STT3B: variants seen among roughly 807,000 people sequenced by gnomAD.
STT3B encodes dolichyl-diphosphooligosaccharide--protein glycosyltransferase subunit STT3B.
A neutral mutation model predicts 96.8 loss-of-function variants in STT3B; 29 were observed. The ratio of observed to expected loss-of-function variants is 0.30; its 90% CI spans 0.22 to 0.41. The LOEUF (loss-of-function observed/expected upper bound fraction) is 0.41. STT3B is among the 10% of genes least tolerant of loss of function. The pLI is 1.00. For synonymous variants in STT3B, 367 were observed against 360.0 expected, an observed-to-expected ratio of 1.02 and a Z score of -0.22; for missense variants, 640 against 1,022.3, an observed-to-expected ratio of 0.63 and a Z score of 5.10.
At chr3:31,561,061 A>T (rs1253605628) in intron 1 of STT3B, among the ~76,000 whole-genome samples, 1 of 151,768 alleles carries the variant, frequency 6.6e-6, no homozygotes. Flanking sequence ...TTTTTATTTC[A>T]TTCAATGAAT....
intron 8 of STT3B, among the ~76,000 whole-genome samples, chr3:31,618,308 T>A: frequency 6.7e-6 from 1 of 150,348 alleles, no homozygotes; most frequent in Middle Eastern, 3.4e-3. Context: ...TCATCTTTAG[T>A]AATAATTTTT....
intron 15 of STT3B, 113 bp from the exon 16 acceptor site, chr3:31,635,871 G>A: frequency 1.5e-6 from 1 of 677,446 alleles, no homozygotes; most frequent in Non-Finnish European, 2.4e-6. Flanking sequence ...CCAGTCACAA[G>A]AAGAGCAGAG....
At position 31,548,685 on chromosome 3, in the gene STT3B, C is replaced by T. The variant is rs551495125; in HGVS notation, c.314+15373C>T. On this transcript the variant is annotated intron_variant, in intron 1 of 15. Coordinates refer to ENST00000295770, the MANE Select transcript of STT3B (RefSeq NM_178862.3). The stretch of plus-strand genomic sequence containing the variant: ...CTTGTATTCTCTTCTTTCTCTGCTC[C>T]GTCATTAGTTTGCTGATATTTTCTG... Among the ~76,000 whole-genome samples, 6 of 152,174 alleles carry T rather than the reference C, an allele frequency of 3.9e-5. No homozygotes were observed. In the South Asian group the frequency reaches 6.2e-4, roughly 16 times the overall value.
chr3:31,592,247 A>G (rs1029232499), intron 3 of STT3B, among the ~76,000 whole-genome samples: 5 of 152,202 alleles, frequency 3.3e-5, no homozygotes, highest in African/African-American at 1.2e-4. Context: ...TTCACTTAGC[A>G]TAATGTCTTC....
At chr3:31,577,465 T>C (rs778250121) in intron 2 of STT3B, among the ~76,000 whole-genome samples, 2 of 152,156 alleles carry the variant, frequency 1.3e-5, no homozygotes, top group Non-Finnish European at 2.9e-5. Context: ...TGTATTTAAT[T>C]TCAAACATAA....
At position 31,621,851 on chromosome 3, in the gene STT3B, T is replaced by C. The variant is rs1699435869; in HGVS notation, c.1328-246T>C. Among the ~76,000 whole-genome samples the C allele has an allele frequency of 2.0e-5, 3 of 151,972 alleles. No individual in the cohort carries two copies. The South Asian group carries it at 6.2e-4, about 31-fold the overall frequency. ...TGAATTAAGTCTAATTCTTCATAAC[T>C]AATTAAATTTGAATCATATACATTT... is the stretch of plus-strand genomic sequence containing the variant. On this transcript the variant is annotated intron_variant, in intron 9 of 15. Transcript: ENST00000295770.
chr3:31,544,596 A>C (rs1697355244), intron 1 of STT3B, among the ~76,000 whole-genome samples: 1 of 152,226 alleles, frequency 6.6e-6, no homozygotes, highest in South Asian at 2.1e-4. Flanking sequence ...TGTTTTAAAA[A>C]CAAATCTTTG....
chr3:31,561,611 T>G (rs2125444877), intron 1 of STT3B, among the ~76,000 whole-genome samples: 1 of 152,290 alleles, frequency 6.6e-6, no homozygotes, highest in Non-Finnish European at 1.5e-5. Flanking sequence ...ACCATCTTTC[T>G]ACTCCCTGTG....
intron 1 of STT3B, among the ~76,000 whole-genome samples, chr3:31,545,719 A>G (rs548818835): frequency 1.3e-4 from 20 of 151,914 alleles, no homozygotes; most frequent in Admixed American, 1.2e-3. Context: ...TCATATGTAT[A>G]TATCTGTAAA....
chr3:31,619,821 A>G lies in STT3B; in HGVS notation c.1318A>G (p.Arg440Gly). 1.9e-6 allele frequency: 3 copies of G among 1,611,238 alleles called. No individual in the cohort carries two copies. The highest frequency in any genetic ancestry group is 2.5e-6 in the Non-Finnish European group (3 of 1,179,332). Residue 440 changes from arginine (R) to glycine (G), a missense_variant, in exon 9 of 16, where the codon AGA becomes GGA. Physicochemically the swap from Arg to Gly is moderately radical, Grantham distance 125 (BLOSUM62 -2). Around this residue, in one of 8 missense-constraint regions of STT3B, gnomAD observed 33 missense variants for 43.1 expected, o/e 0.77. Transcript: ENST00000295770. Reference protein sequence around the residue: ...WFCIKNINDERVFVALYAISA... With the variant: ...WFCIKNINDEGVFVALYAISA... Reference sequence around the variant, plus strand: ...CTGCATCAAAAATATCAACGATGAAAGAGTATTTGGTAAGAGAGGTTTTTA... The same window carrying G: ...CTGCATCAAAAATATCAACGATGAAGGAGTATTTGGTAAGAGAGGTTTTTA...
intron 1 of STT3B, among the ~76,000 whole-genome samples, chr3:31,544,947 G>A (rs1697366503): frequency 6.6e-6 from 1 of 152,076 alleles, no homozygotes; most frequent in Admixed American, 6.5e-5. Context: ...AGGGAGCGGG[G>A]GGGGAACATT....
At chr3:31,556,109 ACTT>A (rs1697704319) in intron 1 of STT3B, among the ~76,000 whole-genome samples, 2 of 149,154 alleles carry the variant, frequency 1.3e-5, no homozygotes, top group African/African-American at 4.9e-5. Flanking sequence ...ACTGAGATCA[ACTT>A]TTTTTTTTTT....
At chr3:31,626,577 G>T (rs1184193852) in intron 13 of STT3B, among the ~76,000 whole-genome samples, 1 of 152,146 alleles carries the variant, frequency 6.6e-6, no homozygotes, top group Admixed American at 6.5e-5. Context: ...AAGGGAAAGG[G>T]TCTTAAAACC....
chr3:31,555,483 C>T (rs578050388), intron 1 of STT3B, among the ~76,000 whole-genome samples: 14 of 152,108 alleles, frequency 9.2e-5, no homozygotes, highest in South Asian at 8.3e-4. Context: ...AAGGAAATAG[C>T]GTTTCTTTCT....
intron 5 of STT3B, among the ~76,000 whole-genome samples, chr3:31,610,313 A>C (rs1699154894): frequency 6.6e-6 from 1 of 152,210 alleles, no homozygotes; most frequent in Non-Finnish European, 1.5e-5. Context: ...GTTTTGGCTA[A>C]TACTATTTTG....
At chr3:31,610,546 C>A (rs1699160380) in intron 5 of STT3B, among the ~76,000 whole-genome samples, 1 of 152,168 alleles carries the variant, frequency 6.6e-6, no homozygotes, top group African/African-American at 2.4e-5. Flanking sequence ...TTCTTCAATA[C>A]TTAAAATTTC....
In STT3B at chr3:31,572,476, C is replaced by T. The variant is rs533942693; in HGVS notation, c.315-3920C>T. On this transcript the variant is annotated intron_variant, in intron 1 of 15. Coordinates refer to ENST00000295770, the MANE Select transcript of STT3B (RefSeq NM_178862.3). ...CATCATTGCAGCTATGATCTCTAACCTCAAGTTTAAGATTTTTGTGTTCAT... is the reference window on the plus strand; with the variant it reads ...CATCATTGCAGCTATGATCTCTAACTTCAAGTTTAAGATTTTTGTGTTCAT... 8.2e-4 allele frequency among the ~76,000 whole-genome samples: 124 copies of T among 152,062 alleles called. 1 individual carries two copies. In the Middle Eastern group the frequency reaches 0.01, roughly 13 times the overall value.
chr3:31,613,861 G>A (rs1045551834), intron 5 of STT3B, among the ~76,000 whole-genome samples: 5 of 152,022 alleles, frequency 3.3e-5, no homozygotes, highest in Non-Finnish European at 5.9e-5. Flanking sequence ...TGTTTGGAAA[G>A]AACGTTATCT....
intron 9 of STT3B, among the ~76,000 whole-genome samples, chr3:31,621,352 A>C (rs572715747): frequency 6.6e-6 from 1 of 152,180 alleles, no homozygotes; most frequent in Non-Finnish European, 1.5e-5. Context: ...AAAATGTTCT[A>C]TATCATTATG....
Sources: gnomAD v4.1 joint callset for allele counts (sites outside exome capture counted in the v4.1 genomes callset) on GRCh38, gnomAD v4.1.1 for gene constraint, gnomAD v4.1.1 regional missense constraint, MANE v1.5 for transcripts, NCBI Gene and HGNC (gene_info 2026-07-23, HGNC 2026-07-21) for gene names.